The following TMPRSS15 variants were observed in gnomAD, a reference collection of about 807,000 sequenced individuals.
TMPRSS15 encodes transmembrane serine protease 15.
A neutral mutation model predicts 125.3 loss-of-function variants in TMPRSS15; 128 were observed. That is an observed-to-expected ratio of 1.02 (90% CI 0.89 to 1.18). The LOEUF (loss-of-function observed/expected upper bound fraction) is 1.18, where lower values mean the gene tolerates loss of function less well. Among genes scored for constraint, TMPRSS15 ranks in the 50% most tolerant of loss-of-function variants. The pLI, the probability that TMPRSS15 is intolerant of heterozygous loss-of-function variation, is 0.00. For synonymous variants in TMPRSS15, 446 were observed against 423.2 expected, an observed-to-expected ratio of 1.05 and a Z score of -0.66; for missense variants, 1,283 against 1,212.7, an observed-to-expected ratio of 1.06 and a Z score of -0.86.
chr21:18,382,852 G>T (rs2075905101), intron 4 of TMPRSS15, among the ~76,000 whole-genome samples: 1 of 152,134 alleles, frequency 6.6e-6, no homozygotes, highest in Non-Finnish European at 1.5e-5. Flanking sequence ...AGGATAATTA[G>T]AATGGAAAAT....
chr21:18,334,006 T>TA lies in TMPRSS15; in HGVS notation c.1565-1834dup, dbSNP rs79373951. Among the ~76,000 whole-genome samples the TA allele has an allele frequency of 6.5e-3, 987 of 152,314 alleles. 22 individuals carry two copies. In the East Asian group the frequency reaches 0.068, roughly 10 times the overall value. ...ATTCTTTTCTATTATGAAAGGCATA[T>TA]AATACTGAGATTATTTACCCCCAAT... On this transcript the variant is annotated intron_variant, in intron 13 of 24. Transcript: ENST00000284885.
At chr21:18,440,547 G>C (rs2824832) in intron 1 of TMPRSS15, among the ~76,000 whole-genome samples, 16,659 of 151,672 alleles carry the variant, frequency 0.11, 1,018 homozygotes, top group African/African-American at 0.13. Flanking sequence ...GTGATGATCA[G>C]GATGAATTGT....
intron 11 of TMPRSS15, 83 bp from the exon 12 acceptor site, chr21:18,343,739 T>G: frequency 6.8e-7 from 1 of 1,465,102 alleles, no homozygotes; most frequent in African/African-American, 1.4e-5. Flanking sequence ...ATTTTTTACT[T>G]TCTTTGAAAT....
At chr21:18,340,312 A>C (rs2075434139) in intron 13 of TMPRSS15, among the ~76,000 whole-genome samples, 1 of 152,126 alleles carries the variant, frequency 6.6e-6, no homozygotes, top group South Asian at 2.1e-4. Context: ...TCCTGCCCTC[A>C]AACATCAGAC....
intron 7 of TMPRSS15, among the ~76,000 whole-genome samples, chr21:18,364,839 A>C (rs1421703336): frequency 1.3e-5 from 2 of 152,200 alleles, no homozygotes; most frequent in South Asian, 2.1e-4. Flanking sequence ...CGATACACAG[A>C]CATACATGTA....
upstream of TMPRSS15, among the ~76,000 whole-genome samples, chr21:18,404,983 T>A (rs1175750534): frequency 1.3e-5 from 2 of 152,240 alleles, no homozygotes; most frequent in East Asian, 3.9e-4. Context: ...TTTATTTATA[T>A]TCTAGGGGAC....
At chr21:18,447,400 A>G (rs959355998) in intron 1 of TMPRSS15, among the ~76,000 whole-genome samples, 3 of 131,440 alleles carry the variant, frequency 2.3e-5, no homozygotes, top group Non-Finnish European at 3.1e-5. Context: ...AGATCATGCC[A>G]TTGCATTTCA....
intron 13 of TMPRSS15, among the ~76,000 whole-genome samples, chr21:18,339,687 T>C (rs2075428043): frequency 1.5e-5 from 2 of 131,392 alleles, no homozygotes; most frequent in Admixed American, 7.8e-5. Context: ...GAAAAAAGCA[T>C]TGTTTTTTTT....
chr21:18,304,175 G>C (rs760204002), intron 18 of TMPRSS15, among the ~76,000 whole-genome samples: 1 of 152,100 alleles, frequency 6.6e-6, no homozygotes, highest in Non-Finnish European at 1.5e-5. Flanking sequence ...AAGTACGCTA[G>C]GACAAACTAA....
At chr21:18,306,584 G>C (rs1300628077) in intron 18 of TMPRSS15, among the ~76,000 whole-genome samples, 1 of 152,044 alleles carries the variant, frequency 6.6e-6, no homozygotes, top group East Asian at 1.9e-4. Flanking sequence ...TTCCTCATAG[G>C]CCACCTTATT....
intron 18 of TMPRSS15, 107 bp downstream of exon 18, chr21:18,312,838 T>C: frequency 7.0e-7 from 1 of 1,429,380 alleles, no homozygotes; most frequent in East Asian, 2.5e-5. Context: ...AATGTGTATT[T>C]TCTAAATTCA....
intron 1 of TMPRSS15, among the ~76,000 whole-genome samples, chr21:18,478,581 C>A (rs1408539651): frequency 1.3e-5 from 2 of 152,004 alleles, no homozygotes; most frequent in South Asian, 2.1e-4. Flanking sequence ...CAAACATCCT[C>A]TGTTTCAGAA....
At position 18,281,220 on chromosome 21, in the gene TMPRSS15, T is replaced by C; in HGVS notation, c.2488A>G (p.Arg830Gly). 1 of 1,613,882 alleles carries C rather than the reference T, an allele frequency of 6.2e-7. No individual in the cohort carries two copies. Among genetic ancestry groups the C allele is most frequent in the Non-Finnish European group, 8.5e-7 (1 of 1,179,934 alleles). ...GTCCACTTGGATGGCTCTAAGTTTC[T>C]CCTGAAAATTGTAATGAAGAAATAT... ...LVSAAHCVYG[R>G]NLEPSKWTAI... The change falls in exon 22 of 25, where the codon AGA (arginine) becomes GGA (glycine). Residue 830 changes from arginine to glycine, a missense_variant and splice_region_variant. Coordinates refer to ENST00000284885, the MANE Select transcript of TMPRSS15 (RefSeq NM_002772.3).
chr21:18,315,120 A>G (rs2075147873), intron 17 of TMPRSS15, 26 bp downstream of exon 17: 2 of 1,564,106 alleles, frequency 1.3e-6, no homozygotes, highest in South Asian at 1.1e-5. Flanking sequence ...AAGTCATAAA[A>G]GTATTTTCCT....
intron 1 of TMPRSS15, among the ~76,000 whole-genome samples, chr21:18,434,847 C>T (rs981353156): frequency 1.5e-5 from 2 of 134,258 alleles, no homozygotes; most frequent in Non-Finnish European, 3.3e-5. Context: ...AAACATCATG[C>T]ATAAGTTATC....
chr21:18,340,168 C>T (rs758355716), intron 13 of TMPRSS15, among the ~76,000 whole-genome samples: 1 of 152,100 alleles, frequency 6.6e-6, no homozygotes, highest in East Asian at 1.9e-4. Flanking sequence ...TGGGAAAGGC[C>T]GACCCACTCT....
At chr21:18,442,102 T>C (rs922040057) in intron 1 of TMPRSS15, among the ~76,000 whole-genome samples, 2 of 152,198 alleles carry the variant, frequency 1.3e-5, no homozygotes, top group African/African-American at 2.4e-5. Flanking sequence ...TAACTGTCCT[T>C]TGTGTTGTTA....
chr21:18,436,046 C>G (rs1416757668), intron 1 of TMPRSS15, among the ~76,000 whole-genome samples: 5 of 150,246 alleles, frequency 3.3e-5, no homozygotes, highest in African/African-American at 9.8e-5. Context: ...GTCTTGCTAG[C>G]GGTCTATCAA....
intron 12 of TMPRSS15, among the ~76,000 whole-genome samples, chr21:18,343,018 C>T (rs1014442061): frequency 6.6e-6 from 1 of 152,110 alleles, no homozygotes; most frequent in East Asian, 1.9e-4. Flanking sequence ...AATAAATGAT[C>T]AGAGACTTCC....
Sources: gnomAD v4.1 joint callset for allele counts (sites outside exome capture counted in the v4.1 genomes callset) on GRCh38, gnomAD v4.1.1 for gene constraint, MANE v1.5 for transcripts, NCBI Gene and HGNC (gene_info 2026-07-23, HGNC 2026-07-21) for gene names.